Variants in MBOAT2 observed in about 807,000 individuals in gnomAD.
MBOAT2 encodes the protein membrane bound glycerophospholipid O-acyltransferase 2.
In MBOAT2, 28 loss-of-function variants were observed where a neutral mutation model predicts 63.4. That is an observed-to-expected ratio of 0.44 (90% CI 0.33 to 0.61). The LOEUF is 0.61. Among genes scored for constraint, MBOAT2 ranks in the 20% least tolerant of loss-of-function variants. The pLI is 0.03. For missense variants in MBOAT2, 470 were observed against 605.8 expected (o/e 0.78, Z 2.35); for synonymous variants, 211 against 215.6 (o/e 0.98, Z 0.19).
chr2:8,961,886 ACAGCC>A, intron 1 of MBOAT2, among the ~76,000 whole-genome samples: 1 of 152,228 alleles, frequency 6.6e-6, no homozygotes, highest in South Asian at 2.1e-4. Flanking sequence ...TCACTTCTCC[ACAGCC>A]AGGCTCCCTG....
intron 4 of MBOAT2, among the ~76,000 whole-genome samples, chr2:8,899,334 A>G (rs1664737356): frequency 6.6e-6 from 1 of 152,190 alleles, no homozygotes; most frequent in South Asian, 2.1e-4. Flanking sequence ...CCCAATTACA[A>G]CTGAGGAGGT....
At chr2:8,963,772 T>C (rs996152362) in intron 1 of MBOAT2, among the ~76,000 whole-genome samples, 15 of 152,212 alleles carry the variant, frequency 9.9e-5, no homozygotes, top group Admixed American at 9.2e-4. Context: ...TATGCATTTA[T>C]TCTGTAATTA....
intron 3 of MBOAT2, among the ~76,000 whole-genome samples, chr2:8,939,547 A>G (rs1471166146): frequency 3.3e-5 from 5 of 152,194 alleles, no homozygotes; most frequent in Admixed American, 6.5e-5. Flanking sequence ...ATGGTGAAGC[A>G]GGCAAGCTTA....
chr2:8,887,980 A>G, intron 5 of MBOAT2, 38 bp downstream of exon 5: 1 of 1,578,930 alleles, frequency 6.3e-7, no homozygotes, highest in Non-Finnish European at 8.7e-7. Flanking sequence ...TTGGAATTAA[A>G]TTTTTTCAGC....
chr2:8,873,069 T>C (rs752262051), intron 8 of MBOAT2, 39 bp downstream of exon 8: 5 of 1,577,270 alleles, frequency 3.2e-6, no homozygotes, highest in Non-Finnish European at 4.3e-6. Flanking sequence ...AAGAAACGCT[T>C]CAACCAGACA....
At chr2:8,871,417 G>A (rs1005081470) in intron 8 of MBOAT2, among the ~76,000 whole-genome samples, 2 of 152,160 alleles carry the variant, frequency 1.3e-5, no homozygotes, top group South Asian at 2.1e-4. Context: ...ATGTCCAACC[G>A]AATCCAAAAA....
At chr2:8,974,392 C>T (rs1670670509) in intron 1 of MBOAT2, 2 of 456,456 alleles carry the variant, frequency 4.4e-6, no homozygotes, top group Non-Finnish European at 8.8e-6. Context: ...GTACGTGAGA[C>T]ACACGGAAGG....
intron 1 of MBOAT2, among the ~76,000 whole-genome samples, chr2:8,986,813 C>T (rs1185955147): frequency 6.6e-6 from 1 of 152,104 alleles, no homozygotes; most frequent in African/African-American, 2.4e-5. Flanking sequence ...TCTCTTTCGC[C>T]AAGAACGCAT....
At chr2:8,965,564 C>G (rs1450744177) in intron 1 of MBOAT2, among the ~76,000 whole-genome samples, 1 of 152,164 alleles carries the variant, frequency 6.6e-6, no homozygotes, top group Non-Finnish European at 1.5e-5. Context: ...ATGTTATCCA[C>G]AAATTTACAT....
Position 8,857,009 on chromosome 2 carries a change from T to C in MBOAT2, c.*1670A>G, listed in dbSNP as rs1661135091. On this transcript the variant is annotated 3_prime_UTR_variant, in exon 13 of 13. Transcript: ENST00000305997. ...AAACTTCAAAAAAGACACATGCCCA[T>C]TTTTGCTGAGACCTCAAAAGCTGCA... 1 of 152,572 alleles carries C rather than the reference T, an allele frequency of 6.6e-6. No individual in the cohort carries two copies. The highest frequency in any genetic ancestry group is 1.5e-5 in the Non-Finnish European group (1 of 68,034). 9.5% of individuals were successfully genotyped at this position (152,572 alleles called of 1,614,324 possible).
At chr2:8,869,340 C>A (rs759025580) in intron 8 of MBOAT2, among the ~76,000 whole-genome samples, 4 of 152,040 alleles carry the variant, frequency 2.6e-5, no homozygotes, top group African/African-American at 4.8e-5. Flanking sequence ...AGCTACCGCA[C>A]CCGACCCAGA....
intron 2 of MBOAT2, among the ~76,000 whole-genome samples, chr2:8,949,625 A>T (rs1668674312): frequency 6.6e-6 from 1 of 151,826 alleles, no homozygotes; most frequent in Non-Finnish European, 1.5e-5. Flanking sequence ...TATTTTTGTC[A>T]ATTTTGTTGA....
At chr2:8,971,068 G>C (rs1016901224) in intron 1 of MBOAT2, among the ~76,000 whole-genome samples, 2 of 152,192 alleles carry the variant, frequency 1.3e-5, no homozygotes, top group South Asian at 2.1e-4. Context: ...AAGAAAAAAA[G>C]AGACTTTTAG....
At chr2:8,932,068 CCT>C (rs1426840852) in intron 3 of MBOAT2, among the ~76,000 whole-genome samples, 1 of 152,090 alleles carries the variant, frequency 6.6e-6, no homozygotes, top group African/African-American at 2.4e-5. Flanking sequence ...TTAGCTATTG[CCT>C]CTGTTACCCT....
chr2:8,854,170 A>AC lies in MBOAT2; in HGVS notation c.*4508dup, dbSNP rs1660936447. The stretch of plus-strand genomic sequence containing the variant: ...GGTGTTGCAGAAAAACACTGTAGAG[A>AC]CCCTCTATGTTCTAATCTTTCAAAC... On this transcript the variant is annotated 3_prime_UTR_variant, in exon 13 of 13. Transcript: ENST00000305997. 1 of 151,744 alleles carries AC rather than the reference A, an allele frequency of 6.6e-6. No individual in the cohort carries two copies. The highest frequency in any genetic ancestry group is 1.5e-5 in the Non-Finnish European group (1 of 68,022). 9.4% of individuals were successfully genotyped at this position (151,744 alleles called of 1,614,324 possible).
chr2:8,956,214 C>T (rs138404666), intron 2 of MBOAT2, among the ~76,000 whole-genome samples: 6 of 152,228 alleles, frequency 3.9e-5, no homozygotes, highest in East Asian at 1.9e-4. Flanking sequence ...ATAGCAGATA[C>T]GATTGCCTTT....
intron 1 of MBOAT2, among the ~76,000 whole-genome samples, chr2:8,976,663 T>G (rs1670834470): frequency 6.6e-6 from 1 of 152,106 alleles, no homozygotes. Flanking sequence ...AAGGAAACCC[T>G]TCCATAAAGC....
At chr2:8,961,077 T>C (rs764828466) in intron 1 of MBOAT2, among the ~76,000 whole-genome samples, 7 of 152,102 alleles carry the variant, frequency 4.6e-5, no homozygotes, top group Non-Finnish European at 8.8e-5. Flanking sequence ...AACAAGGAAG[T>C]GATGAGATTG....
intron 4 of MBOAT2, among the ~76,000 whole-genome samples, chr2:8,895,052 G>A (rs1031711406): frequency 2.6e-5 from 4 of 152,318 alleles, no homozygotes; most frequent in Middle Eastern, 3.4e-3. Flanking sequence ...GAGTGTTACC[G>A]CCTCATAAAG....
Sources: gnomAD v4.1 joint callset for allele counts (sites outside exome capture counted in the v4.1 genomes callset) on GRCh38, gnomAD v4.1.1 for gene constraint, MANE v1.5 for transcripts, NCBI Gene and HGNC (gene_info 2026-07-23, HGNC 2026-07-21) for gene names.